Variants in GPHN observed in about 807,000 individuals in gnomAD.
GPHN encodes the protein gephyrin.
GPHN carries 17 observed loss-of-function variants against 95.5 expected under a neutral mutation model. The observed-to-expected ratio is 0.18, with a 90% CI of 0.12 to 0.27. The LOEUF (loss-of-function observed/expected upper bound fraction) is 0.27, where lower values mean the gene tolerates loss of function less well. Among genes scored for constraint, GPHN ranks in the 10% least tolerant of loss-of-function variants. GPHN has a pLI of 1.00. For missense variants in GPHN, 660 were observed against 978.1 expected (o/e 0.67, Z 4.34); for synonymous variants, 320 against 322.5 (o/e 0.99, Z 0.08).
intron 11 of GPHN, among the ~76,000 whole-genome samples, chr14:67,082,696 T>G (rs539574994): frequency 6.6e-6 from 1 of 152,338 alleles, no homozygotes; most frequent in African/African-American, 2.4e-5. Flanking sequence ...GGATTGCACT[T>G]AATTTGTAGA....
the GPHN span, chr14:67,347,475 A>C: frequency 6.4e-7 from 1 of 1,572,032 alleles, no homozygotes; most frequent in Admixed American, 1.8e-5. Flanking sequence ...AGAAGCATAC[A>C]TGGATTCATA....
intron 5 of GPHN, among the ~76,000 whole-genome samples, chr14:66,888,644 AAATG>A (rs2064320785): frequency 6.6e-6 from 1 of 152,170 alleles, no homozygotes; most frequent in South Asian, 2.1e-4. Flanking sequence ...AATTAAGAAC[AAATG>A]AAGATAGTAA....
rs1461563785 is a variant in GPHN at position 67,127,336 on chromosome 14, G to GGGTT, written c.1748+4959_1748+4960insGGTT. ...TTGAAGTTTGGGTATTTTTTGGTTTGTTTGGGTTTTTGTTTTTGTTTTTGT... is the reference window on the plus strand; with the variant it reads ...TTGAAGTTTGGGTATTTTTTGGTTTGGGTTTTTGGGTTTTTGTTTTTGTTTTTGT... On this transcript the variant is annotated intron_variant, in intron 17 of 22. Transcript: ENST00000478722. Among the ~76,000 whole-genome samples, 182 of 124,566 alleles carry GGGTT rather than the reference G, an allele frequency of 1.5e-3. 2 individuals are homozygous for GGGTT. The highest frequency in any genetic ancestry group is 6.9e-3 in the Admixed American group (86 of 12,514). The allele number at this position is 124,566 out of a possible 152,430, so 81.7% of individuals were successfully genotyped here. A position where few individuals can be genotyped will look rare whatever the true frequency, so the allele number is the denominator to read the frequency against.
chr14:66,743,185 C>A (rs201698216), intron 2 of GPHN, among the ~76,000 whole-genome samples: 1 of 146,152 alleles, frequency 6.8e-6, no homozygotes, highest in Non-Finnish European at 1.5e-5. Flanking sequence ...GTAGAGAGTT[C>A]TTTTTTTTTT....
the GPHN span, among the ~76,000 whole-genome samples, chr14:67,361,288 T>C: frequency 6.6e-6 from 1 of 152,338 alleles, no homozygotes; most frequent in Admixed American, 6.5e-5. Flanking sequence ...AATTGAGTTG[T>C]TATTCAAGGA....
chr14:66,577,209 G>A (rs182687449), intron 1 of GPHN, among the ~76,000 whole-genome samples: 2 of 152,202 alleles, frequency 1.3e-5, no homozygotes, highest in Admixed American at 6.5e-5. Context: ...AAGTGGCATG[G>A]GACTTGAAAT....
intron 8 of GPHN, among the ~76,000 whole-genome samples, chr14:66,937,546 A>C (rs2067196624): frequency 6.6e-6 from 1 of 151,838 alleles, no homozygotes; most frequent in African/African-American, 2.4e-5. Flanking sequence ...CACCCAGCTA[A>C]TTTTTGTATT....
At chr14:67,052,860 G>A (rs543423259) in intron 10 of GPHN, among the ~76,000 whole-genome samples, 13 of 152,194 alleles carry the variant, frequency 8.5e-5, no homozygotes, top group East Asian at 1.9e-4. Flanking sequence ...GATAAATAAC[G>A]AAATCAAGGC....
chr14:67,571,414 C>T, the GPHN span: 7 of 233,272 alleles, frequency 3.0e-5, no homozygotes, highest in Admixed American at 2.9e-4. Context: ...CGTCCCCACA[C>T]ATTTTTAAAG....
the GPHN span, among the ~76,000 whole-genome samples, chr14:67,713,257 CAAACAAACAAA>C: frequency 6.8e-6 from 1 of 147,598 alleles, no homozygotes; most frequent in East Asian, 2.1e-4. Context: ...AACAAACAAA[CAAACAAACAAA>C]AAACAAAACA....
At chr14:67,693,468 CAA>C in the GPHN span, among the ~76,000 whole-genome samples, 1 of 150,908 alleles carries the variant, frequency 6.6e-6, no homozygotes, top group African/African-American at 2.4e-5. Context: ...TAATCCAATA[CAA>C]AAAGTTAAAA....
chr14:67,099,782 T>C (rs1252939840), intron 12 of GPHN, among the ~76,000 whole-genome samples: 2 of 152,102 alleles, frequency 1.3e-5, no homozygotes, highest in Non-Finnish European at 2.9e-5. Flanking sequence ...ATTAATCTAA[T>C]GTCCTTTTAA....
the GPHN span, chr14:67,593,608 T>C: frequency 3.3e-6 from 2 of 602,830 alleles, no homozygotes; most frequent in South Asian, 2.1e-5. Flanking sequence ...ACCTGCTGCA[T>C]CTCTTTAAAA....
At chr14:66,720,273 G>A (rs563851388) in intron 2 of GPHN, among the ~76,000 whole-genome samples, 1 of 152,260 alleles carries the variant, frequency 6.6e-6, no homozygotes, top group South Asian at 2.1e-4. Context: ...GTTGGTTTTG[G>A]CCAAGTGTGG....
At chr14:67,573,833 G>A in the GPHN span, 1 of 1,613,602 alleles carries the variant, frequency 6.2e-7, no homozygotes, top group Admixed American at 1.7e-5. The surrounding 1 kb of genome is among the most constrained non-coding windows in gnomAD (Gnocchi z 4.8). Context: ...AAGGCCAAGT[G>A]GATCTGAACT....
chr14:66,863,913 A>C (rs2063130684), intron 4 of GPHN, among the ~76,000 whole-genome samples: 1 of 152,132 alleles, frequency 6.6e-6, no homozygotes, highest in South Asian at 2.1e-4. Flanking sequence ...TCTGTGCAAA[A>C]ATTTCTTGAG....
Position 66,837,316 on chromosome 14 carries a change from C to G in GPHN, c.294+12750C>G, listed in dbSNP as rs894918904. Among the ~76,000 whole-genome samples, 17 of 149,800 alleles carry G rather than the reference C, an allele frequency of 1.1e-4. 1 individual carries two copies. The highest frequency in any genetic ancestry group is 2.0e-4 in the Admixed American group (3 of 15,046). ...GTAGGGACATGGATGAAATTGGGAA[C>G]CATCATTCTCAGTAAACTATCGCAA... is the stretch of plus-strand genomic sequence containing the variant. On this transcript the variant is annotated intron_variant, in intron 4 of 22. Coordinates refer to ENST00000478722, the MANE Select transcript of GPHN (RefSeq NM_020806.5).
At chr14:67,348,639 A>G in the GPHN span, among the ~76,000 whole-genome samples, 2 of 152,112 alleles carry the variant, frequency 1.3e-5, no homozygotes, top group African/African-American at 4.8e-5. Context: ...CTCCTGCCTC[A>G]GCCTCCCAAG....
At chr14:67,407,921 T>C in the GPHN span, among the ~76,000 whole-genome samples, 1 of 152,112 alleles carries the variant, frequency 6.6e-6, no homozygotes, top group African/African-American at 2.4e-5. Context: ...TGCAATGCAC[T>C]ATGATCACAC....
Sources: allele counts gnomAD v4.1 joint callset (sites outside exome capture counted in the v4.1 genomes callset), GRCh38; gene constraint gnomAD v4.1.1; non-coding constraint Gnocchi (gnomAD v3.1); transcripts MANE v1.5; gene names NCBI Gene and HGNC (gene_info 2026-07-23, HGNC 2026-07-21).